The following KHDRBS2 variants were observed in gnomAD, a reference collection of about 807,000 sequenced individuals.
The protein encoded by KHDRBS2 is KH RNA binding domain containing, signal transduction associated 2.
In KHDRBS2, 26 loss-of-function variants were observed where a neutral mutation model predicts 44.3. The ratio of observed to expected loss-of-function variants is 0.59; its 90% CI spans 0.43 to 0.81. The LOEUF (loss-of-function observed/expected upper bound fraction) is 0.81. KHDRBS2 is among the 40% of genes least tolerant of loss of function. KHDRBS2 has a pLI of 0.00. For synonymous variants in KHDRBS2, 194 were observed against 151.1 expected (o/e 1.28, Z -2.08); for missense variants, 476 against 433.1 (o/e 1.10, Z -0.88).
chr6:62,087,269 C>T (rs767400269), intron 2 of KHDRBS2, among the ~76,000 whole-genome samples: 6 of 151,794 alleles, frequency 4.0e-5, no homozygotes, highest in Non-Finnish European at 8.8e-5. Flanking sequence ...CTGTTTTTCA[C>T]GATTCTAAAC....
intron 6 of KHDRBS2, among the ~76,000 whole-genome samples, chr6:61,804,976 A>G (rs556126634): frequency 6.6e-6 from 1 of 152,320 alleles, no homozygotes; most frequent in East Asian, 1.9e-4. Flanking sequence ...AAGCTGCCTT[A>G]AATTTCTCCT....
rs546221452 is a variant in KHDRBS2 at position 62,217,346 on chromosome 6, T to C, written c.92-40034A>G. On this transcript the variant is annotated intron_variant, in intron 1 of 8. Transcript: ENST00000281156. ...GGTTGTGACTTTTTTATTTAAGGAG[T>C]ATATATTCAACGTCATGTAATTGAT... Among the ~76,000 whole-genome samples the C allele has an allele frequency of 3.3e-5, 5 of 151,836 alleles. No individual in the cohort carries two copies. In the East Asian group the frequency reaches 9.7e-4, roughly 29 times the overall value.
chr6:61,585,274 CA>C, the KHDRBS2 span, among the ~76,000 whole-genome samples: 2 of 151,212 alleles, frequency 1.3e-5, no homozygotes, highest in Admixed American at 6.6e-5. Flanking sequence ...AAAAAGTCCT[CA>C]AAAAAAAGAC....
At chr6:61,671,222 C>A in the KHDRBS2 span, among the ~76,000 whole-genome samples, 1 of 151,678 alleles carries the variant, frequency 6.6e-6, no homozygotes, top group East Asian at 2.0e-4. Context: ...GATAGAAAAC[C>A]TGTGAGATCA....
At chr6:61,965,500 G>T (rs1187876544) in intron 4 of KHDRBS2, among the ~76,000 whole-genome samples, 3 of 152,006 alleles carry the variant, frequency 2.0e-5, no homozygotes, top group African/African-American at 7.2e-5. Context: ...AAAACTGCAT[G>T]ATCAGTGGAG....
chr6:62,217,367 T>C (rs962775603), intron 1 of KHDRBS2, among the ~76,000 whole-genome samples: 16 of 151,878 alleles, frequency 1.1e-4, no homozygotes, highest in African/African-American at 3.1e-4. Flanking sequence ...CGTCATGTAA[T>C]TGATTGTTCT....
the KHDRBS2 span, among the ~76,000 whole-genome samples, chr6:61,544,115 A>G: frequency 6.6e-6 from 1 of 152,224 alleles, no homozygotes; most frequent in Admixed American, 6.6e-5. Flanking sequence ...ATATAATTGT[A>G]TTCTTTGTGC....
At chr6:61,901,443 GAAAC>G (rs1804013977) in intron 4 of KHDRBS2, 72 bp from the exon 5 acceptor site, 4 of 1,105,336 alleles carry the variant, frequency 3.6e-6, no homozygotes, top group Middle Eastern at 2.5e-4. Context: ...AAAAAAAAAA[GAAAC>G]AAAACAAAAC....
chr6:61,836,559 G>A (rs1349809758), intron 6 of KHDRBS2, among the ~76,000 whole-genome samples: 1 of 152,020 alleles, frequency 6.6e-6, no homozygotes, highest in Non-Finnish European at 1.5e-5. Flanking sequence ...CCTGCAGCAT[G>A]AAAAATCCTT....
At chr6:61,716,552 T>C (rs1258848464) in intron 7 of KHDRBS2, among the ~76,000 whole-genome samples, 4 of 151,982 alleles carry the variant, frequency 2.6e-5, no homozygotes, top group Non-Finnish European at 5.9e-5. Context: ...ATTACTGACC[T>C]TCATTTTTTT....
chr6:61,853,280 A>C (rs59117711), intron 6 of KHDRBS2, among the ~76,000 whole-genome samples: 10,166 of 152,220 alleles, frequency 0.067, 404 homozygotes, highest in Middle Eastern at 0.13. Context: ...CTGGTTATTA[A>C]GGCTATTTTT....
At chr6:62,081,151 T>C (rs141469194) in intron 2 of KHDRBS2, among the ~76,000 whole-genome samples, 10 of 152,284 alleles carry the variant, frequency 6.6e-5, no homozygotes, top group African/African-American at 2.4e-4. Flanking sequence ...TGTTGATGCA[T>C]TTTTAACAAT....
chr6:62,260,264 GAGTCTCAAATA>G (rs1838124026), intron 1 of KHDRBS2, among the ~76,000 whole-genome samples: 1 of 152,138 alleles, frequency 6.6e-6, no homozygotes, highest in East Asian at 1.9e-4. Flanking sequence ...AAGGACAGAT[GAGTCTCAAATA>G]AAGTATTAAG....
chr6:62,221,579 A>T (rs502262), intron 1 of KHDRBS2, among the ~76,000 whole-genome samples: 36,335 of 151,886 alleles, frequency 0.24, 6,134 homozygotes, highest in African/African-American at 0.48. Context: ...GCAAAAAAAA[A>T]TTTAAAAAGA....
At chr6:61,918,894 T>TTAGA (rs1215870652) in intron 4 of KHDRBS2, among the ~76,000 whole-genome samples, 1 of 151,932 alleles carries the variant, frequency 6.6e-6, no homozygotes, top group African/African-American at 2.4e-5. Context: ...CATAGATAAA[T>TTAGA]TAGATAGGCT....
At chr6:62,120,685 G>A (rs911949279) in intron 2 of KHDRBS2, among the ~76,000 whole-genome samples, 2 of 152,124 alleles carry the variant, frequency 1.3e-5, no homozygotes, top group African/African-American at 4.8e-5. Context: ...TTAATTTGTA[G>A]AAGTAGAAAA....
At chr6:62,211,042 G>C (rs1828960380) in intron 1 of KHDRBS2, among the ~76,000 whole-genome samples, 1 of 151,848 alleles carries the variant, frequency 6.6e-6, no homozygotes, top group African/African-American at 2.4e-5. Context: ...CCCATACACA[G>C]TTCCAAATGA....
At chr6:61,879,716 A>G (rs748020939) in intron 6 of KHDRBS2, among the ~76,000 whole-genome samples, 1 of 151,930 alleles carries the variant, frequency 6.6e-6, no homozygotes, top group Non-Finnish European at 1.5e-5. Context: ...AACTGTATGT[A>G]CTATATAAAT....
At chr6:61,792,052 A>T (rs1421608438) in intron 6 of KHDRBS2, among the ~76,000 whole-genome samples, 2 of 151,380 alleles carry the variant, frequency 1.3e-5, no homozygotes, top group African/African-American at 4.8e-5. Context: ...CTAGTTTAGA[A>T]ATTACACTCT....
Sources: allele counts gnomAD v4.1 joint callset (sites outside exome capture counted in the v4.1 genomes callset), GRCh38; gene constraint gnomAD v4.1.1; transcripts MANE v1.5; gene names NCBI Gene and HGNC (gene_info 2026-07-23, HGNC 2026-07-21).